The following EYA2 variants were observed in gnomAD, a reference collection of about 807,000 sequenced individuals.
EYA2 encodes protein phosphatase EYA2.
EYA2 carries 31 observed loss-of-function variants against 69.2 expected under a neutral mutation model. That is an observed-to-expected ratio of 0.45 (90% confidence interval 0.34 to 0.60). The LOEUF (loss-of-function observed/expected upper bound fraction) is 0.60. Ranked by LOEUF, EYA2 falls within the 20% of genes least tolerant of loss-of-function variation. EYA2 has a pLI of 0.02. For missense variants in EYA2, 622 were observed against 701.2 expected (o/e 0.89, Z 1.28); for synonymous variants, 257 against 279.4 (o/e 0.92, Z 0.80).
Position 47,049,039 on chromosome 20 carries a change from G to A in EYA2, c.416-23146G>A, listed in dbSNP as rs74403016. On this transcript the variant is annotated intron_variant, in intron 5 of 15. Coordinates refer to ENST00000327619, the MANE Select transcript of EYA2 (RefSeq NM_005244.5). ...CTATTTGAAGACCCATTTTGCAGAT[G>A]GAGAAACTGAGGCACAGAGGCACTA... 3.1e-3 allele frequency among the ~76,000 whole-genome samples: 474 copies of A among 152,326 alleles called. 2 individuals carry two copies. The highest frequency in any genetic ancestry group is 0.011 in the African/African-American group (449 of 41,570).
intron 5 of EYA2, among the ~76,000 whole-genome samples, chr20:47,062,795 T>C (rs2030945294): frequency 1.3e-5 from 2 of 152,046 alleles, no homozygotes; most frequent in Non-Finnish European, 2.9e-5. Flanking sequence ...AAGAAAAATA[T>C]GGAAAGGGGG....
chr20:47,184,211 G>A (rs1211302434), intron 15 of EYA2, among the ~76,000 whole-genome samples: 1 of 152,100 alleles, frequency 6.6e-6, no homozygotes, highest in Non-Finnish European at 1.5e-5. Flanking sequence ...TAAGAAATGG[G>A]AGCTGCTTCT....
Position 46,992,867 on chromosome 20 carries a change from G to A in EYA2, c.109+2748G>A, listed in dbSNP as rs111464063. Among the ~76,000 whole-genome samples, 48 of 152,282 alleles carry A rather than the reference G, an allele frequency of 3.2e-4. 1 individual carries two copies. The highest frequency in any genetic ancestry group is 1.1e-3 in the African/African-American group (47 of 41,566). On this transcript the variant is annotated intron_variant, in intron 2 of 15. Coordinates refer to ENST00000327619, the MANE Select transcript of EYA2 (RefSeq NM_005244.5). The stretch of plus-strand genomic sequence containing the variant: ...TCTGCAGGGGACATTCCACCCTGGA[G>A]CATGACCCCCAAGTGCTGGATTATG...
At chr20:47,008,331 G>A (rs2146356909) in intron 4 of EYA2, among the ~76,000 whole-genome samples, 1 of 152,336 alleles carries the variant, frequency 6.6e-6, no homozygotes, top group South Asian at 2.1e-4. Flanking sequence ...TGGCAGAGGT[G>A]GAATTAAGCC....
intron 9 of EYA2, among the ~76,000 whole-genome samples, chr20:47,100,857 C>T (rs2032404106): frequency 6.6e-6 from 1 of 152,262 alleles, no homozygotes; most frequent in Admixed American, 6.5e-5. Flanking sequence ...TTTCACTCCC[C>T]TGCAGTCCAG....
rs773316628 is a variant in EYA2 at position 47,173,048 on chromosome 20, G to C, written c.1198+181G>C. 4.6e-5 allele frequency among the ~76,000 whole-genome samples: 7 copies of C among 152,124 alleles called. No individual in the cohort carries two copies. In the South Asian group the frequency reaches 8.3e-4, roughly 18 times the overall value. On this transcript the variant is annotated intron_variant, in intron 12 of 15. Transcript: ENST00000327619. ...CTGGGATTTTGTCACCTTCACTTTGGGGGTGGGAAAGCTGAGGGACGGAGG... is the reference window on the plus strand; with the variant it reads ...CTGGGATTTTGTCACCTTCACTTTGCGGGTGGGAAAGCTGAGGGACGGAGG...
chr20:47,126,419 T>C (rs2033193596), intron 9 of EYA2, among the ~76,000 whole-genome samples: 1 of 152,094 alleles, frequency 6.6e-6, no homozygotes, highest in South Asian at 2.1e-4. Flanking sequence ...TGAGGTTAAG[T>C]GGCCTGTCCC....
chr20:47,048,152 T>G (rs2030144166), intron 5 of EYA2, among the ~76,000 whole-genome samples: 2 of 152,204 alleles, frequency 1.3e-5, no homozygotes, highest in Admixed American at 1.3e-4. Context: ...TGAAGAACCA[T>G]TATTCCGCCT....
In EYA2 at chr20:46,990,032, C is replaced by A; in HGVS notation, c.22C>A (p.Pro8Thr). 6.2e-7 allele frequency: 1 copy of A among 1,606,346 alleles called. No individual in the cohort carries two copies. The highest frequency in any genetic ancestry group is 8.5e-7 in the Non-Finnish European group (1 of 1,172,956). Residue 8 changes from proline to threonine, a missense_variant, in exon 2 of 16, where the codon CCC becomes ACC. Physicochemically the swap from Pro to Thr is conservative, Grantham distance 38. Around this residue, in one of 2 missense-constraint regions of EYA2, gnomAD observed 365 missense variants for 349.7 expected, o/e 1.04. Coordinates refer to ENST00000327619, the MANE Select transcript of EYA2 (RefSeq NM_005244.5). The part of the protein sequence containing the change: MVELVIS[P>T]SLTVNSDCLD... The stretch of plus-strand genomic sequence containing the variant: ...GGAAATGGTAGAACTAGTGATCTCA[C>A]CCAGCCTCACTGTAAACAGCGATTG...
chr20:47,169,252 T>C (rs1006853240), intron 11 of EYA2, 55 bp downstream of exon 11: 7 of 1,546,682 alleles, frequency 4.5e-6, no homozygotes, highest in Non-Finnish European at 3.6e-6. Flanking sequence ...ATTATCAAGT[T>C]ATCCTTCTAC....
intron 9 of EYA2, among the ~76,000 whole-genome samples, chr20:47,129,267 C>A (rs1220247272): frequency 6.6e-6 from 1 of 152,162 alleles, no homozygotes; most frequent in Non-Finnish European, 1.5e-5. Flanking sequence ...AAGAGCATTT[C>A]AGTCAATGAT....
intron 1 of EYA2, among the ~76,000 whole-genome samples, chr20:46,912,963 G>A (rs937390648): frequency 2.0e-5 from 3 of 151,452 alleles, no homozygotes; most frequent in African/African-American, 7.3e-5. Flanking sequence ...GCCTCCCAAA[G>A]TGCTGGGATT....
chr20:47,075,011 T>C (rs890498313), intron 7 of EYA2, among the ~76,000 whole-genome samples: 4 of 152,210 alleles, frequency 2.6e-5, no homozygotes, highest in African/African-American at 9.6e-5. Flanking sequence ...CTAGGGCGGC[T>C]GAGGTAGGAG....
At chr20:47,172,450 ATAAAAAT>A (rs1227011142) in intron 11 of EYA2, among the ~76,000 whole-genome samples, 1 of 152,224 alleles carries the variant, frequency 6.6e-6, no homozygotes, top group African/African-American at 2.4e-5. Flanking sequence ...TCTCAAAAAA[ATAAAAAT>A]TAAAAAATAA....
intron 1 of EYA2, among the ~76,000 whole-genome samples, chr20:46,912,749 G>A (rs528604295): frequency 4.7e-5 from 7 of 149,110 alleles, no homozygotes; most frequent in African/African-American, 7.4e-5. Context: ...GCCGGACTGC[G>A]GACTGCAGTG....
In EYA2 at chr20:46,935,938, C is replaced by G. The variant is rs115045650; in HGVS notation, c.-11+40951C>G. 4.0e-3 allele frequency among the ~76,000 whole-genome samples: 612 copies of G among 152,094 alleles called. 7 individuals carry two copies. The highest frequency in any genetic ancestry group is 0.014 in the African/African-American group (590 of 41,486). On this transcript the variant is annotated intron_variant, in intron 1 of 15. Coordinates refer to ENST00000327619, the MANE Select transcript of EYA2 (RefSeq NM_005244.5). The stretch of plus-strand genomic sequence containing the variant: ...TGAAAATCTGAAATGCAAAATACTC[C>G]AAAATCTGAAACTTTTTGAGTGCTG...
chr20:46,934,060 A>G (rs542093624), intron 1 of EYA2, among the ~76,000 whole-genome samples: 2 of 152,376 alleles, frequency 1.3e-5, no homozygotes, highest in East Asian at 3.9e-4. Flanking sequence ...TCAACTGATC[A>G]TTAGCAAAGT....
intron 1 of EYA2, among the ~76,000 whole-genome samples, chr20:46,895,421 G>A (rs1983754346): frequency 6.6e-6 from 1 of 152,230 alleles, no homozygotes; most frequent in Non-Finnish European, 1.5e-5. Flanking sequence ...GGATAACCAA[G>A]AAGCAGAGCC....
chr20:47,135,105 C>T (rs1006199005), intron 9 of EYA2, among the ~76,000 whole-genome samples: 5 of 120,234 alleles, frequency 4.2e-5, no homozygotes, highest in African/African-American at 1.6e-4. Flanking sequence ...CCAGCCTGGG[C>T]GACAGAGCGA....
Sources: gnomAD v4.1 joint callset for allele counts (sites outside exome capture counted in the v4.1 genomes callset) on GRCh38, gnomAD v4.1.1 for gene constraint, gnomAD v4.1.1 regional missense constraint, MANE v1.5 for transcripts, NCBI Gene and HGNC (gene_info 2026-07-23, HGNC 2026-07-21) for gene names.